The following FHOD3 variants were observed in gnomAD, a reference collection of about 807,000 sequenced individuals.
FHOD3 encodes the protein formin homology 2 domain containing 3.
A neutral mutation model predicts 173.0 loss-of-function variants in FHOD3; 90 were observed. The ratio of observed to expected loss-of-function variants is 0.52; its 90% CI spans 0.44 to 0.62. The LOEUF is 0.62. Ranked by LOEUF, FHOD3 falls within the 20% of genes least tolerant of loss-of-function variation. The pLI is 0.00. For synonymous variants in FHOD3, 828 were observed against 823.0 expected, an observed-to-expected ratio of 1.01 and a Z score of -0.10; for missense variants, 1,945 against 2,034.7, an observed-to-expected ratio of 0.96 and a Z score of 0.85.
chr18:36,423,295 C>T (rs1006785008), intron 3 of FHOD3, among the ~76,000 whole-genome samples: 2 of 152,048 alleles, frequency 1.3e-5, no homozygotes. Flanking sequence ...CATTGGAGAT[C>T]AGATTGGGTT....
At chr18:36,376,116 T>G (rs992551874) in intron 3 of FHOD3, among the ~76,000 whole-genome samples, 2 of 152,120 alleles carry the variant, frequency 1.3e-5, no homozygotes, top group African/African-American at 4.8e-5. Context: ...ACCAGAAAAA[T>G]GTTCAGAGGG....
chr18:36,728,117 G>A (rs1020507631), intron 19 of FHOD3, among the ~76,000 whole-genome samples: 13 of 152,284 alleles, frequency 8.5e-5, no homozygotes, highest in Admixed American at 8.5e-4. Context: ...AAGTCATGGG[G>A]CCAGCTTCAG....
intron 6 of FHOD3, among the ~76,000 whole-genome samples, chr18:36,586,488 CTTT>C (rs34226186): frequency 6.8e-6 from 1 of 147,080 alleles, no homozygotes; most frequent in African/African-American, 2.5e-5. Flanking sequence ...GTGCATGTTA[CTTT>C]TTTTTTTTTT....
chr18:36,762,169 C>T (rs565916026), intron 27 of FHOD3, among the ~76,000 whole-genome samples: 3 of 152,208 alleles, frequency 2.0e-5, no homozygotes, highest in Admixed American at 6.5e-5. Context: ...ACAAAAATAA[C>T]GGTAGTAATG....
At chr18:36,493,220 T>C (rs1233638167) in intron 3 of FHOD3, among the ~76,000 whole-genome samples, 1 of 151,384 alleles carries the variant, frequency 6.6e-6, no homozygotes, top group African/African-American at 2.4e-5. Context: ...TTTCTTTTTT[T>C]TTTTTTTTTT....
rs569001282 is a variant in FHOD3, at chr18:36,313,075, A to T, written c.165+15075A>T. ...GGTCTCTCCCCAGGGTCTCTCTAGTATGGTGTCCTCAGGGTAGGTGGACTT... is the reference window on the plus strand; with the variant it reads ...GGTCTCTCCCCAGGGTCTCTCTAGTTTGGTGTCCTCAGGGTAGGTGGACTT... On this transcript the variant is annotated intron_variant, in intron 1 of 28. Coordinates refer to ENST00000590592, the MANE Select transcript of FHOD3 (RefSeq NM_001281740.3). Among the ~76,000 whole-genome samples the T allele has an allele frequency of 2.6e-5, 4 of 152,222 alleles. No individual in the cohort carries two copies. The South Asian group carries it at 8.3e-4, about 32-fold the overall frequency.
chr18:36,640,743 G>A (rs376805378), intron 10 of FHOD3, among the ~76,000 whole-genome samples: 8 of 152,292 alleles, frequency 5.3e-5, no homozygotes, highest in African/African-American at 1.7e-4. Flanking sequence ...ACTGGGCTCT[G>A]GGCTGGTCTT....
At chr18:36,559,357 C>T (rs1272306566) in intron 5 of FHOD3, among the ~76,000 whole-genome samples, 1 of 152,208 alleles carries the variant, frequency 6.6e-6, no homozygotes, top group East Asian at 1.9e-4. Context: ...TAAAGATGAA[C>T]TGAGCAGCGG....
At chr18:36,347,790 C>T (rs1157126949) in intron 1 of FHOD3, among the ~76,000 whole-genome samples, 1 of 152,192 alleles carries the variant, frequency 6.6e-6, no homozygotes, top group Non-Finnish European at 1.5e-5. Context: ...GAATTGATTT[C>T]ATGTAGTCTT....
At chr18:36,521,315 C>T (rs2056261906) in intron 5 of FHOD3, among the ~76,000 whole-genome samples, 1 of 152,158 alleles carries the variant, frequency 6.6e-6, no homozygotes, top group African/African-American at 2.4e-5. Flanking sequence ...GCCTGTGGAG[C>T]CAGCTGTGCC....
intron 3 of FHOD3, among the ~76,000 whole-genome samples, chr18:36,458,864 C>T (rs1249111979): frequency 4.6e-5 from 7 of 152,116 alleles, no homozygotes; most frequent in Middle Eastern, 3.4e-3. Context: ...TGGAACTTGG[C>T]GTATTTTTGA....
At chr18:36,403,749 G>A (rs534569020) in intron 3 of FHOD3, among the ~76,000 whole-genome samples, 28 of 152,344 alleles carry the variant, frequency 1.8e-4, no homozygotes, top group Non-Finnish European at 3.1e-4. Context: ...GGGAATATTC[G>A]TAACTGTATT....
intron 9 of FHOD3, among the ~76,000 whole-genome samples, chr18:36,613,947 A>T (rs2032946389): frequency 6.6e-6 from 1 of 152,182 alleles, no homozygotes; most frequent in African/African-American, 2.4e-5. Context: ...TGCTGGGATT[A>T]CAAGTGTGAG....
chr18:36,313,950 C>G (rs1236689890), intron 1 of FHOD3, among the ~76,000 whole-genome samples: 1 of 151,250 alleles, frequency 6.6e-6, no homozygotes, highest in Non-Finnish European at 1.5e-5. Context: ...GTGGCATGAT[C>G]ATGGTCACTG....
Position 36,625,561 on chromosome 18 carries a change from TG to T in FHOD3, c.1011del (p.Cys338AlafsTer169). The T allele has an allele frequency of 6.6e-7, 1 of 1,515,892 alleles. No homozygotes were observed. The highest frequency in any genetic ancestry group is 8.9e-7 in the Non-Finnish European group (1 of 1,122,040). 93.9% of individuals were successfully genotyped at this position (1,515,892 alleles called of 1,614,324 possible). A position where few individuals can be genotyped will look rare whatever the true frequency, so the allele number is the denominator to read the frequency against. On this transcript the variant is annotated frameshift_variant, in exon 10 of 29. Coordinates refer to ENST00000590592, the MANE Select transcript of FHOD3 (RefSeq NM_001281740.3). LOFTEE classifies it high-confidence loss of function. ...ATGAGACCACGGAGCCACCCCCCAG[TG>T]GGTGCCGGGACCGGAGGAGGGCCAG... Reference protein sequence around the residue: ...GDETTEPPPSGCRDRRRASVC... With the variant: ...GDETTEPPPSXCRDRRRASVC...
chr18:36,614,507 T>C (rs1015186641), intron 9 of FHOD3, among the ~76,000 whole-genome samples: 6 of 152,212 alleles, frequency 3.9e-5, no homozygotes, highest in Non-Finnish European at 5.9e-5. Flanking sequence ...TTCTCTTGGG[T>C]TTATACCTAG....
chr18:36,552,716 T>A lies in FHOD3; in HGVS notation c.512-23735T>A, dbSNP rs1381871659. Among the ~76,000 whole-genome samples the A allele has an allele frequency of 2.6e-5, 4 of 152,044 alleles. No homozygotes were observed. In the East Asian group the frequency reaches 5.8e-4, roughly 22 times the overall value. On this transcript the variant is annotated intron_variant, in intron 5 of 28. Transcript: ENST00000590592. ...GGTTTCACTGTGTTAGCCAGGATGG[T>A]CTTGATCTCCTAACCTCATGATCCA...
At chr18:36,302,906 C>A (rs2091991791) in intron 1 of FHOD3, among the ~76,000 whole-genome samples, 3 of 152,146 alleles carry the variant, frequency 2.0e-5, no homozygotes, top group African/African-American at 7.2e-5. Flanking sequence ...TGGAGCCTTG[C>A]TATTGAGATC....
At position 36,446,270 on chromosome 18, in the gene FHOD3, G is replaced by C. The variant is rs901377047; in HGVS notation, c.338-55662G>C. 4.6e-5 allele frequency among the ~76,000 whole-genome samples: 7 copies of C among 152,158 alleles called. No homozygotes were observed. The East Asian group carries it at 1.4e-3, about 29-fold the overall frequency. ...TCCTCAGTGCATAAGGGCCCTGGGG[G>C]CTCTCAGAATGACAGGTCATCATTA... On this transcript the variant is annotated intron_variant, in intron 3 of 28. Coordinates refer to ENST00000590592, the MANE Select transcript of FHOD3 (RefSeq NM_001281740.3).
Sources: gnomAD v4.1 joint callset for allele counts (sites outside exome capture counted in the v4.1 genomes callset) on GRCh38, gnomAD v4.1.1 for gene constraint, MANE v1.5 for transcripts, NCBI Gene and HGNC (gene_info 2026-07-23, HGNC 2026-07-21) for gene names.